The following MBD3L1 variants were observed in gnomAD, a reference collection of about 807,000 sequenced individuals.
The protein encoded by MBD3L1 is methyl-CpG-binding domain protein 3-like 1.
For synonymous variants in MBD3L1, 84 were observed against 85.1 expected (o/e 0.99, Z 0.07); for missense variants, 203 against 230.1 (o/e 0.88, Z 0.76).
rs140910962 is a variant in MBD3L1, at chr19:8,834,452, A to G, written c.-107+1930A>G. Among the ~76,000 whole-genome samples, 1,142 of 152,130 alleles carry G rather than the reference A, an allele frequency of 7.5e-3. 10 individuals are homozygous for G. Among genetic ancestry groups the G allele is most frequent in the African/African-American group, 0.026 (1,071 of 41,510 alleles). ...GTGAAACCCCGTCTCTACTAAAAAT[A>G]CCAAAATTAGCTGGGCGTGGTGGCG... is the stretch of plus-strand genomic sequence containing the variant. On this transcript the variant is annotated intron_variant, in intron 1 of 2. Transcript: ENST00000595891.
chr19:8,832,986 G>GGGGCGGGGCTGACTGT (rs2044399951), intron 1 of MBD3L1: 2 of 153,524 alleles, frequency 1.3e-5, no homozygotes, highest in African/African-American at 2.4e-5. Context: ...AGCAAGCCTG[G>GGGGCGGGGCTGACTGT]GGGCGGGGCT....
At chr19:8,832,722 G>A (rs901962368) in intron 1 of MBD3L1, among the ~76,000 whole-genome samples, 200 bp downstream of exon 1, 1 of 151,880 alleles carries the variant, frequency 6.6e-6, no homozygotes, top group Non-Finnish European at 1.5e-5. Context: ...AGTTCTCGGG[G>A]CGGATGGTAT....
intron 1 of MBD3L1, among the ~76,000 whole-genome samples, chr19:8,834,307 A>G (rs770562265): frequency 3.3e-5 from 5 of 152,228 alleles, no homozygotes; most frequent in Non-Finnish European, 7.4e-5. Context: ...CTAGATGCCA[A>G]TATACAAAAG....
chr19:8,843,011 T>C lies in MBD3L1; in HGVS notation c.333T>C (p.Ser111=). 6 of 1,614,222 alleles carry C rather than the reference T, an allele frequency of 3.7e-6. No individual in the cohort carries two copies. Among genetic ancestry groups the C allele is most frequent in the Non-Finnish European group, 5.1e-6 (6 of 1,180,034 alleles). The change falls in exon 3 of 3, where the codon AGT becomes AGC. Residue 111 remains serine (S), a synonymous_variant. Transcript: ENST00000595891. The stretch of plus-strand genomic sequence containing the variant: ...GATCTCTGCTGGAGGATCTTGCCAG[T>C]GGTCTGGAGCACTCCTGCCCCATGC... ...TGGSLLEDLA[S]GLEHSCPMPH...
rs768856681 is a variant in MBD3L1, at chr19:8,843,028, G to A, written c.350G>A (p.Cys117Tyr). 1 of 1,614,166 alleles carries A rather than the reference G, an allele frequency of 6.2e-7. No individual in the cohort carries two copies. The highest frequency in any genetic ancestry group is 8.5e-7 in the Non-Finnish European group (1 of 1,180,010). ...CTTGCCAGTGGTCTGGAGCACTCCT[G>A]CCCCATGCCCCACCTTGCCTGCTCT... is the stretch of plus-strand genomic sequence containing the variant. ...EDLASGLEHS[C>Y]PMPHLACSSD... is the part of the protein sequence containing the mutation. Residue 117 changes from cysteine (C) to tyrosine (Y), a missense_variant, in exon 3 of 3, where the codon TGC (cysteine) becomes TAC (tyrosine). Transcript: ENST00000595891.
chr19:8,838,690 G>A (rs1199876731), intron 1 of MBD3L1, among the ~76,000 whole-genome samples: 2 of 152,120 alleles, frequency 1.3e-5, no homozygotes, highest in African/African-American at 4.8e-5. Context: ...CATTGTTGGT[G>A]GTAAAATAAT....
At position 8,843,251 on chromosome 19, in the gene MBD3L1, T is replaced by TG. The variant is rs2145361035; in HGVS notation, c.574dup (p.Glu192GlyfsTer15). 2 of 1,573,748 alleles carry TG rather than the reference T, an allele frequency of 1.3e-6. No individual in the cohort carries two copies. Among genetic ancestry groups the TG allele is most frequent in the Non-Finnish European group, 1.7e-6 (2 of 1,162,312 alleles). On this transcript the variant is annotated frameshift_variant, in exon 3 of 3. Transcript: ENST00000595891. LOFTEE classifies it high-confidence loss of function. ...AAGTGAGAGACCAAGAAGGCCGTCCTGAAAAACGCTAAGAAAAAAAGGGAA... is the reference window on the plus strand; with the variant it reads ...AAGTGAGAGACCAAGAAGGCCGTCCTGGAAAAACGCTAAGAAAAAAAGGGAA...
At chr19:8,840,092 G>A (rs967542351) in intron 1 of MBD3L1, among the ~76,000 whole-genome samples, 5 of 150,558 alleles carry the variant, frequency 3.3e-5, no homozygotes, top group African/African-American at 1.2e-4. Context: ...GCTGAGGCAA[G>A]ATAATTGCTT....
intron 2 of MBD3L1, among the ~76,000 whole-genome samples, chr19:8,841,555 G>A (rs1409342526): frequency 6.6e-6 from 1 of 151,968 alleles, no homozygotes; most frequent in African/African-American, 2.4e-5. Context: ...TAAGTTTTCC[G>A]ATTTATTTAT....
At chr19:8,838,769 T>C (rs1163919819) in intron 1 of MBD3L1, among the ~76,000 whole-genome samples, 1 of 152,136 alleles carries the variant, frequency 6.6e-6, no homozygotes, top group African/African-American at 2.4e-5. Flanking sequence ...GTTGCAAGGA[T>C]GCAACAGGCA....
intron 2 of MBD3L1, among the ~76,000 whole-genome samples, chr19:8,841,799 C>T (rs2044515516): frequency 6.6e-6 from 1 of 152,056 alleles, no homozygotes; most frequent in Non-Finnish European, 1.5e-5. Context: ...TCAAGCGATT[C>T]GCCTGCCTTG....
chr19:8,839,596 T>C (rs749099497), intron 1 of MBD3L1, among the ~76,000 whole-genome samples: 2 of 152,172 alleles, frequency 1.3e-5, no homozygotes, highest in African/African-American at 2.4e-5. Context: ...AAGAGTCATG[T>C]CAGATGAATA....
intron 1 of MBD3L1, among the ~76,000 whole-genome samples, chr19:8,838,206 T>TCACTG (rs1330046148): frequency 8.3e-6 from 1 of 120,914 alleles, no homozygotes; most frequent in Non-Finnish European, 1.6e-5. Context: ...CGAGATCGCA[T>TCACTG]CACTGCACTG....
intron 1 of MBD3L1, among the ~76,000 whole-genome samples, chr19:8,834,828 AG>A (rs1405424195): frequency 1.3e-5 from 2 of 152,172 alleles, no homozygotes; most frequent in African/African-American, 4.8e-5. Flanking sequence ...ATTGTTTCTT[AG>A]ATATGACATC....
Position 8,842,905 on chromosome 19 carries a change from C to T in MBD3L1, c.227C>T (p.Ala76Val), listed in dbSNP as rs1349561507. The change falls in exon 3 of 3, where the codon GCT (alanine) becomes GTT (valine). Residue 76 changes from alanine (A) to valine (V), a missense_variant. Transcript: ENST00000595891. ...CWQRRLQGLQ[A>V]YSSAGELSST... ...CAGAGGAGACTGCAGGGACTCCAGG[C>T]TTACAGCAGTGCAGGAGAACTTTCA... The T allele has an allele frequency of 9.3e-6, 15 of 1,614,084 alleles. No individual in the cohort carries two copies. The highest frequency in any genetic ancestry group is 5.3e-5 in the African/African-American group (4 of 74,920).
chr19:8,836,723 C>T (rs147416200), intron 1 of MBD3L1, among the ~76,000 whole-genome samples: 175 of 152,272 alleles, frequency 1.1e-3, no homozygotes, highest in Non-Finnish European at 2.3e-3. Flanking sequence ...AACTCCTGAG[C>T]GCAAGCAATC....
chr19:8,834,993 T>C (rs11669828), intron 1 of MBD3L1, among the ~76,000 whole-genome samples: 26,019 of 151,438 alleles, frequency 0.17, 2,771 homozygotes, highest in East Asian at 0.28. Context: ...ATTCAAAATA[T>C]ATAAAGGCTT....
At chr19:8,838,211 G>GCAC (rs924985915) in intron 1 of MBD3L1, among the ~76,000 whole-genome samples, 2 of 120,782 alleles carry the variant, frequency 1.7e-5, no homozygotes, top group Non-Finnish European at 3.2e-5. Flanking sequence ...TCGCATCACT[G>GCAC]CACTGCACTC....
chr19:8,833,683 G>T (rs1485363048), intron 1 of MBD3L1: 1 of 152,220 alleles, frequency 6.6e-6, no homozygotes, highest in East Asian at 1.9e-4. Context: ...TGGTGGGTTG[G>T]TGCGTTAGAT....
Sources: allele counts gnomAD v4.1 joint callset (sites outside exome capture counted in the v4.1 genomes callset), GRCh38; gene constraint gnomAD v4.1.1; transcripts MANE v1.5; gene names NCBI Gene and HGNC (gene_info 2026-07-23, HGNC 2026-07-21).